PARD3B: variants seen among roughly 807,000 people sequenced by gnomAD.
PARD3B encodes par-3 family cell polarity regulator beta.
In PARD3B, 103 loss-of-function variants were observed where a neutral mutation model predicts 130.2. That is an observed-to-expected ratio of 0.79 (90% CI 0.67 to 0.93). The LOEUF is 0.93. Ranked by LOEUF, PARD3B falls within the 40% of genes least tolerant of loss-of-function variation. The pLI is 0.00. For synonymous variants in PARD3B, 583 were observed against 553.2 expected, an observed-to-expected ratio of 1.05 and a Z score of -0.76; for missense variants, 1,609 against 1,499.2, an observed-to-expected ratio of 1.07 and a Z score of -1.21.
At chr2:205,331,548 G>A (rs999942404) in intron 18 of PARD3B, among the ~76,000 whole-genome samples, 5 of 152,044 alleles carry the variant, frequency 3.3e-5, no homozygotes, top group African/African-American at 4.8e-5. Context: ...TTGAGAGGCC[G>A]AGGCGGGTGG....
intron 2 of PARD3B, among the ~76,000 whole-genome samples, chr2:204,810,958 G>T (rs886566116): frequency 6.6e-6 from 1 of 151,900 alleles, no homozygotes; most frequent in East Asian, 1.9e-4. Flanking sequence ...GTTGTTGTTG[G>T]TAGGATATTT....
intron 4 of PARD3B, among the ~76,000 whole-genome samples, chr2:205,067,275 C>A (rs1327600554): frequency 6.6e-6 from 1 of 151,762 alleles, no homozygotes; most frequent in East Asian, 1.9e-4. Context: ...AGCAGTCCTG[C>A]CTCAGCTCCT....
chr2:205,486,803 G>A (rs2106306321), intron 20 of PARD3B, among the ~76,000 whole-genome samples: 1 of 152,204 alleles, frequency 6.6e-6, no homozygotes, highest in South Asian at 2.1e-4. Flanking sequence ...CAGCATTGGG[G>A]ATTACGATTC....
chr2:205,553,279 A>C (rs768915635), intron 21 of PARD3B, 45 bp from the exon 22 acceptor site: 2 of 1,549,346 alleles, frequency 1.3e-6, no homozygotes, highest in Admixed American at 1.7e-5. Flanking sequence ...TCAGTAACCA[A>C]GGTGTATAAT....
At chr2:204,848,176 A>G (rs1559195268) in intron 2 of PARD3B, among the ~76,000 whole-genome samples, 1 of 152,190 alleles carries the variant, frequency 6.6e-6, no homozygotes, top group African/African-American at 2.4e-5. Flanking sequence ...ACTTTATCAT[A>G]GGTGAGTATG....
intron 2 of PARD3B, among the ~76,000 whole-genome samples, chr2:204,935,223 G>A (rs1040687765): frequency 6.7e-6 from 1 of 149,468 alleles, no homozygotes; most frequent in Non-Finnish European, 1.5e-5. Context: ...AGTCTTCTGA[G>A]AATGTGTTAA....
chr2:204,552,298 G>A (rs1160312186), intron 1 of PARD3B, among the ~76,000 whole-genome samples: 3 of 152,164 alleles, frequency 2.0e-5, no homozygotes, highest in Non-Finnish European at 2.9e-5. Context: ...CTAGACACTA[G>A]CACAAAAACT....
Position 205,160,156 on chromosome 2 carries a change from C to T in PARD3B, c.1620+1249C>T, listed in dbSNP as rs1003615897. Among the ~76,000 whole-genome samples, 1 of 152,208 alleles carries T rather than the reference C, an allele frequency of 6.6e-6. No individual in the cohort carries two copies. The highest frequency in any genetic ancestry group is 2.4e-5 in the African/African-American group (1 of 41,454). The stretch of plus-strand genomic sequence containing the variant: ...AATGTACTTTGGACAGACACCTCTT[C>T]AGTTTACTCCTTGGTTTAGTTAGCT... On this transcript the variant is annotated intron_variant, in intron 11 of 22. Transcript: ENST00000406610. The surrounding 1 kb of genome is among the most constrained non-coding windows in gnomAD (Gnocchi z 4.0).
intron 3 of PARD3B, among the ~76,000 whole-genome samples, chr2:205,017,623 C>T (rs1417559729): frequency 6.6e-6 from 1 of 152,280 alleles, no homozygotes; most frequent in Non-Finnish European, 1.5e-5. Context: ...TCTGGCTTTG[C>T]TCACTGGTCA....
intron 2 of PARD3B, among the ~76,000 whole-genome samples, chr2:204,702,519 G>A (rs959835197): frequency 6.6e-6 from 1 of 152,042 alleles, no homozygotes; most frequent in Non-Finnish European, 1.5e-5. Flanking sequence ...AAGTATATTT[G>A]TTGGCCACTT....
At chr2:204,757,557 T>G (rs1200133973) in intron 2 of PARD3B, among the ~76,000 whole-genome samples, 2 of 152,168 alleles carry the variant, frequency 1.3e-5, no homozygotes, top group African/African-American at 2.4e-5. Flanking sequence ...TAGGTCTTCT[T>G]TTGAGAAGCA....
At chr2:205,413,482 T>C (rs957530484) in intron 19 of PARD3B, among the ~76,000 whole-genome samples, 1 of 152,202 alleles carries the variant, frequency 6.6e-6, no homozygotes, top group Admixed American at 6.5e-5. Flanking sequence ...TGAACAACTA[T>C]AAAACCGTAC....
chr2:204,869,061 G>T (rs1374722954), intron 2 of PARD3B, among the ~76,000 whole-genome samples: 1 of 152,158 alleles, frequency 6.6e-6, no homozygotes, highest in African/African-American at 2.4e-5. Context: ...GCTGTTTGAG[G>T]TTGATGTATT....
chr2:205,527,963 G>A (rs1043239034), intron 21 of PARD3B, among the ~76,000 whole-genome samples: 3 of 152,106 alleles, frequency 2.0e-5, no homozygotes. Flanking sequence ...TAGATGGATT[G>A]GCTGCTTTTG....
Position 205,105,791 on chromosome 2 carries a change from C to G in PARD3B, c.593+1277C>G, listed in dbSNP as rs999742892. Among the ~76,000 whole-genome samples, 1 of 150,688 alleles carries G rather than the reference C, an allele frequency of 6.6e-6. No homozygotes were observed. The highest frequency in any genetic ancestry group is 2.4e-5 in the African/African-American group (1 of 41,050). On this transcript the variant is annotated intron_variant, in intron 5 of 22. Transcript: ENST00000406610. The surrounding 1 kb of genome is among the most constrained non-coding windows in gnomAD (Gnocchi z 4.0). ...TCTCTCTCTGAAGAAAAAAAAAAGG[C>G]GGGGGGATATGGGGTAGGGAGTAAT...
At chr2:204,686,768 A>G (rs2037106865) in intron 2 of PARD3B, among the ~76,000 whole-genome samples, 1 of 152,186 alleles carries the variant, frequency 6.6e-6, no homozygotes, top group East Asian at 1.9e-4. Flanking sequence ...CTACAGTAAA[A>G]GGCACTAAAT....
At chr2:205,411,769 T>C (rs2046607321) in intron 19 of PARD3B, among the ~76,000 whole-genome samples, 1 of 152,096 alleles carries the variant, frequency 6.6e-6, no homozygotes, top group African/African-American at 2.4e-5. Flanking sequence ...CCTCATTTTT[T>C]ATTGATCGCC....
intron 3 of PARD3B, among the ~76,000 whole-genome samples, chr2:204,976,812 G>A (rs544026552): frequency 1.3e-5 from 2 of 151,860 alleles, no homozygotes; most frequent in Non-Finnish European, 2.9e-5. Context: ...GTTTCACCGT[G>A]TTGGTCAGGC....
At chr2:205,538,269 G>C (rs1356247987) in intron 21 of PARD3B, among the ~76,000 whole-genome samples, 1 of 152,158 alleles carries the variant, frequency 6.6e-6, no homozygotes, top group Non-Finnish European at 1.5e-5. Context: ...CTTCCCAGAG[G>C]ACCTGGTGAT....
Sources: gnomAD v4.1 joint callset for allele counts (sites outside exome capture counted in the v4.1 genomes callset) on GRCh38, gnomAD v4.1.1 for gene constraint, Gnocchi (gnomAD v3.1) non-coding constraint, MANE v1.5 for transcripts, NCBI Gene and HGNC (gene_info 2026-07-23, HGNC 2026-07-21) for gene names.